THSD4: variants seen among roughly 807,000 people sequenced by gnomAD.
THSD4 encodes the protein thrombospondin type-1 domain-containing protein 4.
THSD4 carries 69 observed loss-of-function variants against 119.0 expected under a neutral mutation model. The observed-to-expected ratio is 0.58, with a 90% CI of 0.48 to 0.71. The LOEUF (loss-of-function observed/expected upper bound fraction) is 0.71. THSD4 is among the 30% of genes least tolerant of loss of function. The pLI is 0.00. For missense variants in THSD4, 1,393 were observed against 1,391.1 expected, an observed-to-expected ratio of 1.00 and a Z score of -0.02; for synonymous variants, 524 against 540.4, an observed-to-expected ratio of 0.97 and a Z score of 0.42.
chr15:71,545,990 T>C (rs770238189), intron 7 of THSD4, among the ~76,000 whole-genome samples: 12 of 152,324 alleles, frequency 7.9e-5, no homozygotes, highest in Non-Finnish European at 1.5e-4. Flanking sequence ...TTTCTGGGGC[T>C]GGCTGCTGAT....
chr15:71,416,741 GTTTTGTTTTATTTTATTTTATTTTA>G (rs200702286), intron 7 of THSD4, among the ~76,000 whole-genome samples: 33,197 of 68,112 alleles, frequency 0.49, 13,008 homozygotes, highest in Middle Eastern at 0.67. Context: ...GTTTTGTTTT[GTTTTGTTTTATTTTATTTTATTTTA>G]TTTTATTTTC....
Position 71,411,800 on chromosome 15 carries a change from A to G in THSD4, c.1129A>G (p.Ile377Val), listed in dbSNP as rs371755466. 3.7e-6 allele frequency: 6 copies of G among 1,613,952 alleles called. No individual in the cohort carries two copies. The highest frequency in any genetic ancestry group is 5.1e-6 in the Non-Finnish European group (6 of 1,179,984). ...CCCCTGTGACCAGAACGGCACGGCC[A>G]TCTGTGTGTCTGGGCAGTGCAAGGT... ...GTPCDQNGTA[I>V]CVSGQCKSIG... Residue 377 changes from isoleucine (I) to valine (V), a missense_variant, in exon 7 of 18, where the codon ATC becomes GTC. Ile to Val is a conservative substitution (Grantham distance 29). Transcript: ENST00000261862.
In THSD4 at chr15:71,647,250, A is replaced by C. The variant is rs77331742; in HGVS notation, c.1153-13280A>C. Among the ~76,000 whole-genome samples the C allele has an allele frequency of 5.7e-3, 874 of 152,372 alleles. 6 individuals carry two copies. Among genetic ancestry groups the C allele is most frequent in the African/African-American group, 0.02 (821 of 41,600 alleles). On this transcript the variant is annotated intron_variant, in intron 7 of 17. Coordinates refer to ENST00000261862, the MANE Select transcript of THSD4 (RefSeq NM_024817.3). ...CTCTTGGAAGCCATGTGTGGGCAGC[A>C]GATCTGCTATTGCCCTACCTTTCAG...
At chr15:71,749,680 T>G (rs2053407213) in intron 14 of THSD4, among the ~76,000 whole-genome samples, 1 of 146,660 alleles carries the variant, frequency 6.8e-6, no homozygotes, top group Non-Finnish European at 1.5e-5. Flanking sequence ...TTTTTTAATA[T>G]TTTTATATTT....
At chr15:71,151,682 T>C (rs2040723784) in intron 2 of THSD4, among the ~76,000 whole-genome samples, 1 of 152,212 alleles carries the variant, frequency 6.6e-6, no homozygotes, top group African/African-American at 2.4e-5. Flanking sequence ...AGAAGATTAC[T>C]GTCCTTTTGC....
chr15:71,551,271 T>C (rs751443815), intron 7 of THSD4, among the ~76,000 whole-genome samples: 1 of 152,208 alleles, frequency 6.6e-6, no homozygotes, highest in Non-Finnish European at 1.5e-5. Flanking sequence ...GTATTAACCC[T>C]GTGCTGAAAA....
At chr15:71,728,306 C>T (rs1167882373) in intron 8 of THSD4, among the ~76,000 whole-genome samples, 1 of 152,152 alleles carries the variant, frequency 6.6e-6, no homozygotes, top group Non-Finnish European at 1.5e-5. Flanking sequence ...CCAGCCCCCA[C>T]CCTACATTTC....
At chr15:71,682,571 G>C (rs1379568384) in intron 8 of THSD4, among the ~76,000 whole-genome samples, 1 of 96,200 alleles carries the variant, frequency 1.0e-5, no homozygotes, top group African/African-American at 3.4e-5. Flanking sequence ...TTTGTATCTG[G>C]CTTTTTTTTT....
At chr15:71,447,632 C>T (rs1019812348) in intron 7 of THSD4, among the ~76,000 whole-genome samples, 1 of 152,144 alleles carries the variant, frequency 6.6e-6, no homozygotes, top group Non-Finnish European at 1.5e-5. Context: ...TAGCTACAGG[C>T]ATATGTGCTA....
chr15:71,235,583 CTTT>C (rs1555457033), intron 4 of THSD4, among the ~76,000 whole-genome samples: 3 of 127,314 alleles, frequency 2.4e-5, no homozygotes, highest in African/African-American at 5.7e-5. Flanking sequence ...CCACCTCTCT[CTTT>C]TTTTTTTTTT....
At chr15:71,488,195 C>A (rs1425520030) in intron 7 of THSD4, among the ~76,000 whole-genome samples, 2 of 152,270 alleles carry the variant, frequency 1.3e-5, no homozygotes, top group Middle Eastern at 3.4e-3. Context: ...ATATTTCTAA[C>A]AAGAATAGAT....
rs561355193 is a variant in THSD4, at chr15:71,387,017, T to C, written c.1016-24670T>C. 1.4e-3 allele frequency among the ~76,000 whole-genome samples: 210 copies of C among 152,296 alleles called. 4 individuals carry two copies. The South Asian group carries it at 0.027, about 19-fold the overall frequency. On this transcript the variant is annotated intron_variant, in intron 6 of 17. Coordinates refer to ENST00000261862, the MANE Select transcript of THSD4 (RefSeq NM_024817.3). Reference sequence around the variant, plus strand: ...AGGTTTCCGGGTTTTCTGTTTTTGTTTGTGCTGTCTTTTTCTTTTCTGGTC... The same window carrying C: ...AGGTTTCCGGGTTTTCTGTTTTTGTCTGTGCTGTCTTTTTCTTTTCTGGTC...
At chr15:71,551,576 A>T (rs1401851100) in intron 7 of THSD4, among the ~76,000 whole-genome samples, 1 of 152,214 alleles carries the variant, frequency 6.6e-6, no homozygotes, top group African/African-American at 2.4e-5. Flanking sequence ...CAGTGAAAGT[A>T]TACGAAGAAA....
chr15:71,666,617 C>T (rs1040488925), intron 8 of THSD4, among the ~76,000 whole-genome samples: 11 of 152,084 alleles, frequency 7.2e-5, no homozygotes, highest in African/African-American at 2.2e-4. Context: ...AAGCTTTAGA[C>T]GTACTAAAAC....
At chr15:71,540,463 C>A (rs2048744141) in intron 7 of THSD4, among the ~76,000 whole-genome samples, 1 of 120,548 alleles carries the variant, frequency 8.3e-6, no homozygotes, top group African/African-American at 3.2e-5. Flanking sequence ...AAACGAGTCT[C>A]TGTCACCCAG....
rs566646997 is a variant in THSD4, at chr15:71,297,955, G to A, written c.1015+41240G>A. Among the ~76,000 whole-genome samples the A allele has an allele frequency of 6.6e-5, 10 of 152,084 alleles. No homozygotes were observed. The South Asian group carries it at 2.1e-3, about 32-fold the overall frequency. On this transcript the variant is annotated intron_variant, in intron 6 of 17. Coordinates refer to ENST00000261862, the MANE Select transcript of THSD4 (RefSeq NM_024817.3). Reference sequence around the variant, plus strand: ...ATGCACAAAAATTTTTATTTTGATGGTTTATCTGTTTTTTTCCTTTCGTTG... The same window carrying A: ...ATGCACAAAAATTTTTATTTTGATGATTTATCTGTTTTTTTCCTTTCGTTG...
intron 6 of THSD4, among the ~76,000 whole-genome samples, chr15:71,310,030 G>T (rs191785674): frequency 6.6e-5 from 10 of 152,262 alleles, no homozygotes; most frequent in African/African-American, 2.2e-4. Context: ...AAAAGGTTGG[G>T]GAAGGATGTC....
intron 6 of THSD4, among the ~76,000 whole-genome samples, chr15:71,298,989 C>T (rs2044906789): frequency 6.6e-6 from 1 of 152,194 alleles, no homozygotes; most frequent in African/African-American, 2.4e-5. Flanking sequence ...GGTACACCCT[C>T]AGCACCTGCC....
chr15:71,676,531 C>T (rs745793088), intron 8 of THSD4, among the ~76,000 whole-genome samples: 53 of 152,270 alleles, frequency 3.5e-4, no homozygotes, highest in Middle Eastern at 6.8e-3. Flanking sequence ...CTGCCCACCT[C>T]GGCCTCCCAA....
Sources: allele counts gnomAD v4.1 joint callset (sites outside exome capture counted in the v4.1 genomes callset), GRCh38; gene constraint gnomAD v4.1.1; transcripts MANE v1.5; gene names NCBI Gene and HGNC (gene_info 2026-07-23, HGNC 2026-07-21).